Variants in GRM8 observed in about 807,000 individuals in gnomAD.
GRM8 encodes glutamate metabotropic receptor 8.
A neutral mutation model predicts 87.2 loss-of-function variants in GRM8; 47 were observed. That is an observed-to-expected ratio of 0.54 (90% CI 0.43 to 0.69). The LOEUF is 0.69. GRM8 is among the 30% of genes least tolerant of loss of function. The pLI is 0.00. For missense variants in GRM8, 1,019 were observed against 1,139.2 expected (o/e 0.89, Z 1.52); for synonymous variants, 396 against 404.5 (o/e 0.98, Z 0.25).
intron 3 of GRM8, among the ~76,000 whole-genome samples, chr7:127,099,637 G>A (rs17867216): frequency 0.019 from 2,850 of 152,212 alleles, 97 homozygotes; most frequent in African/African-American, 0.063. Flanking sequence ...TTGTGAACTC[G>A]CTATATTACA....
At chr7:127,005,043 C>T (rs139191081) in intron 3 of GRM8, among the ~76,000 whole-genome samples, 4 of 150,614 alleles carry the variant, frequency 2.7e-5, no homozygotes, top group African/African-American at 7.3e-5. Flanking sequence ...TCATTTTGTG[C>T]TGATCACAGA....
At chr7:126,998,161 A>T (rs1813363465) in intron 3 of GRM8, among the ~76,000 whole-genome samples, 1 of 151,966 alleles carries the variant, frequency 6.6e-6, no homozygotes, top group Non-Finnish European at 1.5e-5. Context: ...AAGGATAAAA[A>T]CTATATGATC....
At chr7:126,631,615 T>C (rs1801271122) in intron 7 of GRM8, among the ~76,000 whole-genome samples, 1 of 151,318 alleles carries the variant, frequency 6.6e-6, no homozygotes. Flanking sequence ...GGAGGCATCA[T>C]GCAACCTGAC....
At chr7:127,016,455 A>C (rs1011395517) in intron 3 of GRM8, among the ~76,000 whole-genome samples, 1 of 152,118 alleles carries the variant, frequency 6.6e-6, no homozygotes, top group Non-Finnish European at 1.5e-5. Context: ...ACAAAGCAAG[A>C]AAAATGATAT....
chr7:127,079,148 T>A (rs1822591498), intron 3 of GRM8, among the ~76,000 whole-genome samples: 1 of 151,898 alleles, frequency 6.6e-6, no homozygotes, highest in Non-Finnish European at 1.5e-5. Flanking sequence ...TGAGACAGAG[T>A]CTTGCTCTGT....
In GRM8 at chr7:126,609,370, G is replaced by T. The variant is rs375723493; in HGVS notation, c.1486C>A (p.His496Asn). ...KVIGHWTNQL[H>N]LKVEDMQWAH... ...TTTATGACGATACTTGCTTTTAGATGAAGCTGATTGGTCCAGTGGCCGATG... is the reference window on the plus strand; with the variant it reads ...TTTATGACGATACTTGCTTTTAGATTAAGCTGATTGGTCCAGTGGCCGATG... The change falls in exon 8 of 11, where the codon CAT (histidine) becomes AAT (asparagine). Residue 496 changes from histidine (H) to asparagine (N), a missense_variant. By Grantham distance (68) the His-to-Asn change is moderately conservative. Coordinates refer to ENST00000339582, the MANE Select transcript of GRM8 (RefSeq NM_000845.3). The T allele has an allele frequency of 6.2e-7, 1 of 1,612,698 alleles. No homozygotes were observed. The highest frequency in any genetic ancestry group is 1.3e-5 in the African/African-American group (1 of 74,878).
chr7:127,200,753 T>A (rs1170358067), intron 2 of GRM8, among the ~76,000 whole-genome samples: 1 of 152,218 alleles, frequency 6.6e-6, no homozygotes, highest in Non-Finnish European at 1.5e-5. Flanking sequence ...TATAAAGACA[T>A]GAGTCATTGG....
intron 7 of GRM8, among the ~76,000 whole-genome samples, chr7:126,627,705 A>C (rs997608324): frequency 1.3e-5 from 2 of 152,116 alleles, no homozygotes; most frequent in Non-Finnish European, 2.9e-5. Flanking sequence ...TCATCAGTTT[A>C]AGAAAGTCCC....
intron 2 of GRM8, among the ~76,000 whole-genome samples, chr7:127,175,722 G>C (rs577014915): frequency 6.6e-6 from 1 of 152,120 alleles, no homozygotes; most frequent in Non-Finnish European, 1.5e-5. Context: ...CACCAACCTG[G>C]AAATTCTATA....
At chr7:126,743,255 A>G (rs1049199578) in intron 7 of GRM8, among the ~76,000 whole-genome samples, 2 of 152,162 alleles carry the variant, frequency 1.3e-5, no homozygotes, top group African/African-American at 4.8e-5. Context: ...TTAAAAAGTC[A>G]TGTTCCCATA....
intron 6 of GRM8, among the ~76,000 whole-genome samples, chr7:126,891,994 C>G (rs1460118131): frequency 1.7e-5 from 2 of 121,084 alleles, no homozygotes; most frequent in South Asian, 5.5e-4. Context: ...AAATCTCTTC[C>G]TATATGAAGC....
chr7:126,666,288 C>G (rs956527034), intron 7 of GRM8, among the ~76,000 whole-genome samples: 6 of 152,048 alleles, frequency 3.9e-5, no homozygotes, highest in Non-Finnish European at 7.4e-5. Context: ...AAAGTTGTAT[C>G]TGATGCACGG....
At chr7:126,737,269 G>A (rs1031920270) in intron 7 of GRM8, among the ~76,000 whole-genome samples, 1 of 151,926 alleles carries the variant, frequency 6.6e-6, no homozygotes, top group African/African-American at 2.4e-5. Context: ...AGATGGATAA[G>A]CTGGTTCATC....
intron 3 of GRM8, among the ~76,000 whole-genome samples, chr7:127,015,796 A>C (rs1200831246): frequency 6.6e-6 from 1 of 152,142 alleles, no homozygotes; most frequent in Non-Finnish European, 1.5e-5. Context: ...ATATATCAAC[A>C]TACAGAAGGT....
At chr7:126,856,582 A>C (rs1797702821) in intron 6 of GRM8, among the ~76,000 whole-genome samples, 1 of 152,248 alleles carries the variant, frequency 6.6e-6, no homozygotes, top group Non-Finnish European at 1.5e-5. Flanking sequence ...CAATCAGACT[A>C]CTGAATAAAT....
intron 7 of GRM8, among the ~76,000 whole-genome samples, chr7:126,729,642 GA>G (rs1813382261): frequency 6.6e-6 from 1 of 152,196 alleles, no homozygotes; most frequent in East Asian, 1.9e-4. Context: ...GCATTTGGCA[GA>G]TACTGGGTAA....
intron 2 of GRM8, among the ~76,000 whole-genome samples, chr7:127,209,560 G>A (rs1288514579): frequency 6.6e-6 from 1 of 152,182 alleles, no homozygotes; most frequent in East Asian, 1.9e-4. Context: ...CAGGAGTGGA[G>A]TGAACCAGGG....
At chr7:126,719,960 T>C (rs988938223) in intron 7 of GRM8, among the ~76,000 whole-genome samples, 50 of 152,008 alleles carry the variant, frequency 3.3e-4, no homozygotes, top group South Asian at 4.1e-4. Context: ...TTTAAAGTAA[T>C]AGTGATAATT....
chr7:126,603,151 T>A (rs920930369), intron 8 of GRM8, among the ~76,000 whole-genome samples: 39 of 146,462 alleles, frequency 2.7e-4, no homozygotes, highest in Non-Finnish European at 4.8e-4. Context: ...ATTATCTCAA[T>A]AGATGCAGAA....
Sources: gnomAD v4.1 joint callset for allele counts (sites outside exome capture counted in the v4.1 genomes callset) on GRCh38, gnomAD v4.1.1 for gene constraint, MANE v1.5 for transcripts, NCBI Gene and HGNC (gene_info 2026-07-23, HGNC 2026-07-21) for gene names.